The following NFAM1 variants were observed in gnomAD, a reference collection of about 807,000 sequenced individuals.
NFAM1 encodes NFAT activating protein with ITAM motif 1, also known as NFAT activation molecule 1.
A neutral mutation model predicts 29.0 loss-of-function variants in NFAM1; 17 were observed. The observed-to-expected ratio is 0.59, with a 90% confidence interval of 0.40 to 0.88. The LOEUF (loss-of-function observed/expected upper bound fraction) is 0.88, where lower values mean the gene tolerates loss of function less well. NFAM1 is among the 40% of genes least tolerant of loss of function. The pLI, the probability that NFAM1 is intolerant of heterozygous loss-of-function variation, is 0.00. For synonymous variants in NFAM1, 175 were observed against 147.2 expected, an observed-to-expected ratio of 1.19 and a Z score of -1.36; for missense variants, 324 against 344.6, an observed-to-expected ratio of 0.94 and a Z score of 0.47.
At position 42,419,989 on chromosome 22, in the gene NFAM1, GGTTTTTTTTTTTTTTT is replaced by G. The variant is rs1395521579; in HGVS notation, c.122-8269_122-8254del. Reference sequence around the variant, plus strand: ...CCTTTGAGTCTGTAATCCCACTCTTGGTTTTTTTTTTTTTTTTTTTTTTTTTTTTTTTTTTTTCTGA... The same window carrying G: ...CCTTTGAGTCTGTAATCCCACTCTTGTTTTTTTTTTTTTTTTTTTTTCTGA... On this transcript the variant is annotated intron_variant, in intron 1 of 5. Coordinates refer to ENST00000329021, the MANE Select transcript of NFAM1 (RefSeq NM_145912.8). The surrounding 1 kb of genome is among the most constrained non-coding windows in gnomAD (Gnocchi z 4.5). 1.1e-3 allele frequency among the ~76,000 whole-genome samples: 64 copies of G among 56,528 alleles called. 4 individuals carry two copies. In the South Asian group the frequency reaches 0.024, roughly 21 times the overall value. 37.1% of individuals were successfully genotyped at this position (56,528 alleles called of 152,430 possible). A position where few individuals can be genotyped will look rare whatever the true frequency, so the allele number is the denominator to read the frequency against.
intron 3 of NFAM1, among the ~76,000 whole-genome samples, chr22:42,400,406 T>G (rs1929686343): frequency 6.6e-6 from 1 of 151,990 alleles, no homozygotes; most frequent in Non-Finnish European, 1.5e-5. Flanking sequence ...TCACTTGAGG[T>G]CGGGAGTTCG....
At chr22:42,385,340 A>T (rs1417984943) in intron 5 of NFAM1, 120 bp from the exon 6 acceptor site, 1 of 751,886 alleles carries the variant, frequency 1.3e-6, no homozygotes, top group African/African-American at 1.7e-5. Flanking sequence ...TGTAGCTTTG[A>T]TGGGGGGCCT....
upstream of NFAM1, among the ~76,000 whole-genome samples, chr22:42,435,636 T>C (rs2146566163): frequency 6.6e-6 from 1 of 151,920 alleles, no homozygotes; most frequent in East Asian, 2.0e-4. Flanking sequence ...TGTGAGCCAC[T>C]TTGCCCAGCT....
intron 1 of NFAM1, among the ~76,000 whole-genome samples, chr22:42,415,595 G>A (rs574651735): frequency 1.3e-5 from 2 of 152,016 alleles, no homozygotes; most frequent in South Asian, 2.1e-4. Flanking sequence ...CACCGCGCCC[G>A]GCCTGCACCT....
intron 3 of NFAM1, among the ~76,000 whole-genome samples, chr22:42,399,433 C>T (rs1180350285): frequency 2.3e-5 from 3 of 129,818 alleles, no homozygotes; most frequent in Non-Finnish European, 3.1e-5. Flanking sequence ...GGAGACAGAG[C>T]GAGATCCCAT....
chr22:42,426,911 C>G (rs556590013), intron 1 of NFAM1, among the ~76,000 whole-genome samples: 1 of 152,298 alleles, frequency 6.6e-6, no homozygotes, highest in Non-Finnish European at 1.5e-5. Context: ...CCAGGTGCCA[C>G]GCCCTGAGGC....
chr22:42,435,353 T>C (rs1005829156), upstream of NFAM1, among the ~76,000 whole-genome samples: 5 of 150,858 alleles, frequency 3.3e-5, no homozygotes, highest in Admixed American at 2.6e-4. Flanking sequence ...TCTTTCTTTT[T>C]TTTTTTTTTT....
At position 42,411,720 on chromosome 22, in the gene NFAM1, G is replaced by A. The variant is rs753015128; in HGVS notation, c.138C>T (p.Thr46=). The change falls in exon 2 of 6, where the codon ACC becomes ACT. Residue 46 remains threonine, a synonymous_variant. Transcript: ENST00000329021. The part of the protein sequence containing the change: ...TLRLAGGQSV[T]HTGLPIMASL... The stretch of plus-strand genomic sequence containing the variant: ...AGGCCATGATGGGCAGGCCGGTGTG[G>A]GTCACTGACTGTCCTCCTGGAGGGG... 5 of 1,613,338 alleles carry A rather than the reference G, an allele frequency of 3.1e-6. No individual in the cohort carries two copies. Among genetic ancestry groups the A allele is most frequent in the East Asian group, 2.2e-5 (1 of 44,876 alleles).
intron 1 of NFAM1, among the ~76,000 whole-genome samples, chr22:42,424,379 C>A (rs1930552533): frequency 6.6e-6 from 1 of 151,824 alleles, no homozygotes; most frequent in African/African-American, 2.4e-5. Flanking sequence ...TGTGCCACTG[C>A]ACTCCAGCCT....
At chr22:42,416,466 T>G (rs760723) in intron 1 of NFAM1, among the ~76,000 whole-genome samples, 47,785 of 151,892 alleles carry the variant, frequency 0.31, 9,377 homozygotes, top group African/African-American at 0.55. Context: ...GGTGCTCACA[T>G]TGGCACTGGG....
chr22:42,425,200 G>C (rs908870373), intron 1 of NFAM1, among the ~76,000 whole-genome samples: 1 of 152,150 alleles, frequency 6.6e-6, no homozygotes, highest in Non-Finnish European at 1.5e-5. Flanking sequence ...GGGATTACAG[G>C]TGTGAGCCAC....
intron 3 of NFAM1, among the ~76,000 whole-genome samples, chr22:42,407,894 C>T (rs938220890): frequency 6.8e-6 from 1 of 147,154 alleles, no homozygotes; most frequent in African/African-American, 2.5e-5. Flanking sequence ...ACCTGGCAGA[C>T]AGATTTCTCT....
rs567891783 is a variant in NFAM1, at chr22:42,396,358, T to A, written c.663+1500A>T. On this transcript the variant is annotated intron_variant, in intron 4 of 5. Coordinates refer to ENST00000329021, the MANE Select transcript of NFAM1 (RefSeq NM_145912.8). ...TATTGCTCCAATTAAAAAAGAAGTA[T>A]GTGTGAGTGCGTATGGGTTTCTTTG... 3.9e-5 allele frequency among the ~76,000 whole-genome samples: 6 copies of A among 152,272 alleles called. No individual in the cohort carries two copies. The East Asian group carries it at 1.2e-3, about 29-fold the overall frequency.
At chr22:42,423,725 CT>C (rs368682615) in intron 1 of NFAM1, among the ~76,000 whole-genome samples, 89 of 143,448 alleles carry the variant, frequency 6.2e-4, no homozygotes, top group Non-Finnish European at 5.9e-4. Flanking sequence ...TCCCTCTTTT[CT>C]TTTTTTTTTT....
intron 4 of NFAM1, among the ~76,000 whole-genome samples, chr22:42,390,158 T>C (rs1323912339): frequency 6.6e-6 from 1 of 151,476 alleles, no homozygotes; most frequent in African/African-American, 2.4e-5. Context: ...GCCGGGTGGG[T>C]GGGGGTTCTG....
At chr22:42,428,383 G>GTA (rs1930691778) in intron 1 of NFAM1, among the ~76,000 whole-genome samples, 1 of 152,188 alleles carries the variant, frequency 6.6e-6, no homozygotes, top group African/African-American at 2.4e-5. Flanking sequence ...CCGGAGCGGC[G>GTA]GGAAGGGAGG....
chr22:42,413,596 T>C (rs1377165041), intron 1 of NFAM1, among the ~76,000 whole-genome samples: 1 of 150,168 alleles, frequency 6.7e-6, no homozygotes, highest in African/African-American at 2.5e-5. Context: ...GCTAACATGG[T>C]GAAACCCCGC....
chr22:42,406,775 T>A (rs1929912443), intron 3 of NFAM1, among the ~76,000 whole-genome samples: 1 of 152,186 alleles, frequency 6.6e-6, no homozygotes, highest in African/African-American at 2.4e-5. Flanking sequence ...TCCTTTCTTT[T>A]CTTTTTCCTT....
At chr22:42,403,912 AAAG>A (rs762812694) in intron 3 of NFAM1, among the ~76,000 whole-genome samples, 3 of 152,172 alleles carry the variant, frequency 2.0e-5, no homozygotes, top group Non-Finnish European at 2.9e-5. Flanking sequence ...TCCAGAAAGC[AAAG>A]AAGGAGATCT....
Sources: gnomAD v4.1 joint callset for allele counts (sites outside exome capture counted in the v4.1 genomes callset) on GRCh38, gnomAD v4.1.1 for gene constraint, Gnocchi (gnomAD v3.1) non-coding constraint, MANE v1.5 for transcripts, NCBI Gene and HGNC (gene_info 2026-07-23, HGNC 2026-07-21) for gene names.